Variants in KCNH7 observed in about 807,000 individuals in gnomAD.
The protein encoded by KCNH7 is potassium voltage-gated channel subfamily H member 7.
In KCNH7, 49 loss-of-function variants were observed where a neutral mutation model predicts 120.8. The observed-to-expected ratio is 0.41, with a 90% CI of 0.32 to 0.51. The LOEUF is 0.51. Ranked by LOEUF, KCNH7 falls within the 20% of genes least tolerant of loss-of-function variation. The pLI, the probability that KCNH7 is intolerant of heterozygous loss-of-function variation, is 0.38. For synonymous variants in KCNH7, 547 were observed against 516.1 expected, an observed-to-expected ratio of 1.06 and a Z score of -0.81; for missense variants, 1,097 against 1,446.6, an observed-to-expected ratio of 0.76 and a Z score of 3.92.
At chr2:162,720,678 A>C (rs1269997252) in intron 2 of KCNH7, among the ~76,000 whole-genome samples, 1 of 152,076 alleles carries the variant, frequency 6.6e-6, no homozygotes, top group Non-Finnish European at 1.5e-5. Flanking sequence ...CTATAGCCAA[A>C]ATGGTTGCAA....
Position 162,457,796 on chromosome 2 carries a change from C to T in KCNH7, c.1129-11353G>A, listed in dbSNP as rs144734297. Among the ~76,000 whole-genome samples, 393 of 152,106 alleles carry T rather than the reference C, an allele frequency of 2.6e-3. 1 individual carries two copies. The highest frequency in any genetic ancestry group is 8.8e-3 in the African/African-American group (366 of 41,518). ...GTATTTTTATCTATCACAGAGAGCA[C>T]GCAGTAACAAAATGAATCAGATAGA... On this transcript the variant is annotated intron_variant, in intron 6 of 15. Transcript: ENST00000332142.
At chr2:162,820,607 A>T (rs1685086554) in intron 2 of KCNH7, among the ~76,000 whole-genome samples, 1 of 152,180 alleles carries the variant, frequency 6.6e-6, no homozygotes, top group African/African-American at 2.4e-5. Context: ...TATAGTGGCT[A>T]ACTTGTGTTT....
chr2:162,773,056 T>C (rs1683112773), intron 2 of KCNH7, among the ~76,000 whole-genome samples: 1 of 152,226 alleles, frequency 6.6e-6, no homozygotes, highest in Non-Finnish European at 1.5e-5. Context: ...CAGTGATCTT[T>C]AAACATATTT....
chr2:162,596,477 TG>T, intron 2 of KCNH7, among the ~76,000 whole-genome samples: 1 of 152,148 alleles, frequency 6.6e-6, no homozygotes, highest in East Asian at 1.9e-4. Flanking sequence ...CTTTAGTAAA[TG>T]TTGTTGGAAA....
chr2:162,620,120 T>TA (rs1431730287), intron 2 of KCNH7, among the ~76,000 whole-genome samples: 1 of 150,406 alleles, frequency 6.6e-6, no homozygotes, highest in Non-Finnish European at 1.5e-5. Context: ...AAAAGGATAA[T>TA]AAAAAATCTA....
chr2:162,378,747 T>A (rs777209472), intron 14 of KCNH7, among the ~76,000 whole-genome samples: 46 of 152,202 alleles, frequency 3.0e-4, no homozygotes, highest in Admixed American at 5.9e-4. Flanking sequence ...TATCATCGCA[T>A]CTTGGCTCCA....
At chr2:162,595,593 A>G (rs933290472) in intron 2 of KCNH7, among the ~76,000 whole-genome samples, 9 of 152,008 alleles carry the variant, frequency 5.9e-5, no homozygotes, top group African/African-American at 2.2e-4. Flanking sequence ...GCCATATATG[A>G]CAAGCCTACA....
At chr2:162,679,195 G>A (rs1239367198) in intron 2 of KCNH7, among the ~76,000 whole-genome samples, 1 of 151,490 alleles carries the variant, frequency 6.6e-6, no homozygotes, top group Non-Finnish European at 1.5e-5. Flanking sequence ...AAATAAGATT[G>A]ATAGAAAATA....
Position 162,587,511 on chromosome 2 carries a change from C to A in KCNH7, c.308-50431G>T, listed in dbSNP as rs148163089. ...TATTGTGAAGCCTCTGTCCTTATAG[C>A]ATTTAGAATTTTTTTAAAAAAATAT... On this transcript the variant is annotated intron_variant, in intron 2 of 15. Transcript: ENST00000332142. Among the ~76,000 whole-genome samples the A allele has an allele frequency of 2.6e-5, 4 of 152,022 alleles. No individual in the cohort carries two copies. In the East Asian group the frequency reaches 5.8e-4, roughly 22 times the overall value.
chr2:162,774,116 T>C (rs942925979), intron 2 of KCNH7, among the ~76,000 whole-genome samples: 4 of 152,156 alleles, frequency 2.6e-5, no homozygotes, highest in African/African-American at 7.2e-5. Flanking sequence ...TACAAATCTA[T>C]GAAAATTCAT....
chr2:162,644,522 T>C (rs1210952843), intron 2 of KCNH7, among the ~76,000 whole-genome samples: 1 of 152,186 alleles, frequency 6.6e-6, no homozygotes, highest in Non-Finnish European at 1.5e-5. Flanking sequence ...AAACGGTACT[T>C]CAGTGGTTTG....
intron 2 of KCNH7, among the ~76,000 whole-genome samples, chr2:162,614,677 GTATATATATT>G (rs942090345): frequency 1.5e-4 from 22 of 148,332 alleles, no homozygotes; most frequent in South Asian, 6.3e-4. Flanking sequence ...CCTGAGGAAT[GTATATATATT>G]TATATATATT....
At chr2:162,698,392 T>C (rs574213535) in intron 2 of KCNH7, among the ~76,000 whole-genome samples, 2 of 152,026 alleles carry the variant, frequency 1.3e-5, no homozygotes, top group East Asian at 1.9e-4. Context: ...AGTGAATGTA[T>C]ATTTTTTTTG....
intron 2 of KCNH7, among the ~76,000 whole-genome samples, chr2:162,577,931 C>T (rs1410009305): frequency 1.3e-5 from 2 of 151,866 alleles, no homozygotes; most frequent in African/African-American, 4.8e-5. Flanking sequence ...TTGCTATTTC[C>T]GTTTTATAGT....
chr2:162,461,974 G>T (rs1689160675), intron 6 of KCNH7, among the ~76,000 whole-genome samples: 1 of 152,096 alleles, frequency 6.6e-6, no homozygotes, highest in South Asian at 2.1e-4. Flanking sequence ...AGTATTTATG[G>T]AGTCTCTGTC....
At chr2:162,625,340 C>T (rs551225065) in intron 2 of KCNH7, among the ~76,000 whole-genome samples, 288 of 152,298 alleles carry the variant, frequency 1.9e-3, no homozygotes, top group African/African-American at 6.7e-3. Context: ...GCCCTGGCCT[C>T]ACAGAGTTAT....
chr2:162,423,318 G>C lies in KCNH7; in HGVS notation c.2154+18C>G. 1 of 1,613,926 alleles carries C rather than the reference G, an allele frequency of 6.2e-7. No homozygotes were observed. The highest frequency in any genetic ancestry group is 1.3e-5 in the African/African-American group (1 of 75,042). The stretch of plus-strand genomic sequence containing the variant: ...TAATGCCTGCGGCACTTTCATTTTG[G>C]AAAACAGACATACATACCATGTTCA... On this transcript the variant is annotated intron_variant, in intron 9 of 15. Transcript: ENST00000332142.
chr2:162,472,757 A>G (rs1229371070), intron 6 of KCNH7, among the ~76,000 whole-genome samples: 1 of 152,240 alleles, frequency 6.6e-6, no homozygotes, highest in Non-Finnish European at 1.5e-5. Context: ...CCAAAGGATT[A>G]TAAATCATGC....
intron 6 of KCNH7, among the ~76,000 whole-genome samples, chr2:162,499,935 C>G (rs796656456): frequency 4.6e-5 from 7 of 152,080 alleles, no homozygotes; most frequent in African/African-American, 1.7e-4. Flanking sequence ...CCCAATGTAG[C>G]TAAGGTTTCC....
Sources: gnomAD v4.1 joint callset for allele counts (sites outside exome capture counted in the v4.1 genomes callset) on GRCh38, gnomAD v4.1.1 for gene constraint, MANE v1.5 for transcripts, NCBI Gene and HGNC (gene_info 2026-07-23, HGNC 2026-07-21) for gene names.